Variants in SLC24A2 observed in about 807,000 individuals in gnomAD.
SLC24A2 encodes the protein sodium/potassium/calcium exchanger 2.
Under a neutral mutation model 62.0 loss-of-function variants are expected in SLC24A2, and 36 were observed. The ratio of observed to expected loss-of-function variants is 0.58; its 90% CI spans 0.44 to 0.77. The LOEUF (loss-of-function observed/expected upper bound fraction) is 0.77. Ranked by LOEUF, SLC24A2 falls within the 30% of genes least tolerant of loss-of-function variation. SLC24A2 has a pLI of 0.00. For synonymous variants in SLC24A2, 358 were observed against 294.0 expected, an observed-to-expected ratio of 1.22 and a Z score of -2.23; for missense variants, 846 against 817.9, an observed-to-expected ratio of 1.03 and a Z score of -0.42.
At chr9:20,060,832 T>C in the SLC24A2 span, among the ~76,000 whole-genome samples, 6 of 152,326 alleles carry the variant, frequency 3.9e-5, no homozygotes, top group South Asian at 6.2e-4. Context: ...ATAACGATTT[T>C]AGTAAGGTCA....
At chr9:20,006,471 T>C in the SLC24A2 span, among the ~76,000 whole-genome samples, 3 of 152,046 alleles carry the variant, frequency 2.0e-5, no homozygotes, top group South Asian at 2.1e-4. Context: ...AAGAGTATAA[T>C]TGGATGTTTG....
At chr9:19,960,472 G>A in the SLC24A2 span, among the ~76,000 whole-genome samples, 1 of 152,208 alleles carries the variant, frequency 6.6e-6, no homozygotes, top group Non-Finnish European at 1.5e-5. Flanking sequence ...GAAGAGAATG[G>A]AATTTTGATT....
intron 2 of SLC24A2, among the ~76,000 whole-genome samples, chr9:19,678,530 T>C (rs1405880398): frequency 6.6e-6 from 1 of 152,236 alleles, no homozygotes; most frequent in Non-Finnish European, 1.5e-5. Context: ...TTAAAAAACA[T>C]TGCAGGTTCT....
chr9:20,264,889 T>C, the SLC24A2 span, among the ~76,000 whole-genome samples: 3 of 152,186 alleles, frequency 2.0e-5, no homozygotes, highest in Non-Finnish European at 4.4e-5. Flanking sequence ...AAATGTGTAA[T>C]CTCTGAGTTC....
In SLC24A2 at chr9:19,515,039, T is replaced by G. The variant is rs1368986613; in HGVS notation, c.*1114A>C. ...AGCACCTTTACTGGATGACTTCTTA[T>G]TGCACATCTAGGCTCTCTTGGCAGC... is the stretch of plus-strand genomic sequence containing the variant. On this transcript the variant is annotated 3_prime_UTR_variant, in exon 11 of 11. Transcript: ENST00000341998. The G allele has an allele frequency of 1.3e-5, 2 of 152,214 alleles. No individual in the cohort carries two copies. The highest frequency in any genetic ancestry group is 1.3e-4 in the Admixed American group (2 of 15,278). The allele number at this position is 152,214 out of a possible 1,614,324, so 9.4% of individuals were successfully genotyped here. A position where few individuals can be genotyped will look rare whatever the true frequency, so the allele number is the denominator to read the frequency against.
rs188098357 is a variant in SLC24A2 at position 19,574,183 on chromosome 9, G to A, written c.1229-714C>T. On this transcript the variant is annotated intron_variant, in intron 6 of 10. Coordinates refer to ENST00000341998, the MANE Select transcript of SLC24A2 (RefSeq NM_020344.4). ...CCAGTGCCTAGGTGGCCATGGGCAG[G>A]GCAGCCTGGTGAATACAACTTAGCA... 9.2e-5 allele frequency among the ~76,000 whole-genome samples: 14 copies of A among 152,298 alleles called. No individual in the cohort carries two copies. In the East Asian group the frequency reaches 2.7e-3, roughly 29 times the overall value.
At chr9:19,650,349 C>T (rs970586207) in intron 2 of SLC24A2, among the ~76,000 whole-genome samples, 1 of 152,022 alleles carries the variant, frequency 6.6e-6, no homozygotes, top group Non-Finnish European at 1.5e-5. Flanking sequence ...GAAACAGAGC[C>T]CAAAATGGAT....
At chr9:19,780,292 G>C (rs1405504663) in intron 2 of SLC24A2, among the ~76,000 whole-genome samples, 1 of 150,104 alleles carries the variant, frequency 6.7e-6, no homozygotes, top group Non-Finnish European at 1.5e-5. Context: ...TTTTGAGATG[G>C]AGTCTCACTC....
At chr9:20,111,666 A>C in the SLC24A2 span, among the ~76,000 whole-genome samples, 1 of 152,096 alleles carries the variant, frequency 6.6e-6, no homozygotes, top group East Asian at 1.9e-4. Context: ...CTGCATCTTA[A>C]TAGGTTCCCC....
chr9:20,116,191 T>C, the SLC24A2 span, among the ~76,000 whole-genome samples: 5 of 152,152 alleles, frequency 3.3e-5, no homozygotes, highest in Admixed American at 2.0e-4. Flanking sequence ...GCATGCACCA[T>C]GAGTCTGTTC....
chr9:19,608,132 C>T (rs1190077834), intron 4 of SLC24A2, among the ~76,000 whole-genome samples: 1 of 152,110 alleles, frequency 6.6e-6, no homozygotes, highest in Non-Finnish European at 1.5e-5. Context: ...CACTCATTTG[C>T]CTATTCATTT....
intron 2 of SLC24A2, among the ~76,000 whole-genome samples, chr9:19,752,664 A>C (rs1822020522): frequency 6.6e-6 from 1 of 150,794 alleles, no homozygotes; most frequent in South Asian, 2.1e-4. Flanking sequence ...GGAAGAAATA[A>C]AGAGTCTGCA....
At chr9:19,797,495 A>T in the SLC24A2 span, among the ~76,000 whole-genome samples, 1 of 152,220 alleles carries the variant, frequency 6.6e-6, no homozygotes, top group Non-Finnish European at 1.5e-5. Context: ...CTTGGATGCG[A>T]CCTGCCAAGT....
the SLC24A2 span, among the ~76,000 whole-genome samples, chr9:20,098,007 G>C: frequency 6.7e-6 from 1 of 149,294 alleles, no homozygotes; most frequent in African/African-American, 2.5e-5. Context: ...CTCCCAAAGT[G>C]CTGGGATTAC....
At chr9:20,244,942 G>A in the SLC24A2 span, among the ~76,000 whole-genome samples, 2 of 152,284 alleles carry the variant, frequency 1.3e-5, no homozygotes, top group East Asian at 3.9e-4. Flanking sequence ...GCAAATGTCT[G>A]AAATAATGTA....
At chr9:19,551,784 G>A (rs1834859419) in intron 7 of SLC24A2, among the ~76,000 whole-genome samples, 1 of 152,096 alleles carries the variant, frequency 6.6e-6, no homozygotes, top group African/African-American at 2.4e-5. Context: ...TCACAGCAAT[G>A]CTATGTCTTG....
intron 2 of SLC24A2, among the ~76,000 whole-genome samples, chr9:19,676,862 A>C (rs1819576677): frequency 6.6e-6 from 1 of 152,202 alleles, no homozygotes. Context: ...AACAATAAAA[A>C]AGTTTTTCTT....
chr9:20,074,598 GAA>G, the SLC24A2 span, among the ~76,000 whole-genome samples: 436 of 64,400 alleles, frequency 6.8e-3, 9 homozygotes, highest in East Asian at 0.043. Context: ...AGGAAGGAAG[GAA>G]GGAAAGAAGG....
the SLC24A2 span, among the ~76,000 whole-genome samples, chr9:20,296,349 A>G: frequency 2.0e-5 from 3 of 152,236 alleles, no homozygotes; most frequent in Admixed American, 2.0e-4. Flanking sequence ...TGGCTATGCT[A>G]TGAGTTTTAT....
Sources: gnomAD v4.1 joint callset for allele counts (sites outside exome capture counted in the v4.1 genomes callset) on GRCh38, gnomAD v4.1.1 for gene constraint, MANE v1.5 for transcripts, NCBI Gene and HGNC (gene_info 2026-07-23, HGNC 2026-07-21) for gene names.